Variants in FSTL4 observed in about 807,000 individuals in gnomAD.
FSTL4 encodes the protein follistatin like 4, also known as follistatin-related protein 4.
FSTL4 carries 28 observed loss-of-function variants against 78.2 expected under a neutral mutation model. The observed-to-expected ratio is 0.36, with a 90% CI of 0.27 to 0.49. FSTL4 has a LOEUF of 0.49. Among genes scored for constraint, FSTL4 ranks in the 20% least tolerant of loss-of-function variants. FSTL4 has a pLI of 0.98. For missense variants in FSTL4, 922 were observed against 1,084.9 expected (o/e 0.85, Z 2.11); for synonymous variants, 422 against 440.5 (o/e 0.96, Z 0.53).
At chr5:133,598,178 T>C (rs1343739021) in intron 2 of FSTL4, among the ~76,000 whole-genome samples, 1 of 151,944 alleles carries the variant, frequency 6.6e-6, no homozygotes, top group Non-Finnish European at 1.5e-5. Flanking sequence ...CAGCAAGAAC[T>C]AAAAAAAGGC....
intron 3 of FSTL4, among the ~76,000 whole-genome samples, chr5:133,540,951 C>T (rs1050569729): frequency 6.6e-6 from 1 of 152,054 alleles, no homozygotes; most frequent in Non-Finnish European, 1.5e-5. Flanking sequence ...CTTTAAGTGC[C>T]CACTGAGAGC....
the FSTL4 span, among the ~76,000 whole-genome samples, chr5:133,633,078 T>TTA: frequency 0.25 from 38,153 of 152,082 alleles, 5,104 homozygotes; most frequent in Admixed American, 0.39. Flanking sequence ...CTTTCAATAT[T>TTA]TTTTTATTTG....
intron 3 of FSTL4, among the ~76,000 whole-genome samples, chr5:133,546,441 G>A (rs1023039386): frequency 1.3e-5 from 2 of 148,860 alleles, no homozygotes; most frequent in Non-Finnish European, 3.0e-5. Context: ...AGGAGACGGA[G>A]GTTGCAGTGA....
At chr5:133,781,984 TG>T in the FSTL4 span, among the ~76,000 whole-genome samples, 1 of 152,244 alleles carries the variant, frequency 6.6e-6, no homozygotes. Flanking sequence ...AAGGCTCAGC[TG>T]GGTTTATTCC....
chr5:133,461,950 T>C (rs572085963), intron 3 of FSTL4, among the ~76,000 whole-genome samples: 19 of 152,288 alleles, frequency 1.2e-4, no homozygotes, highest in African/African-American at 3.1e-4. Flanking sequence ...TCTAGGCCTA[T>C]GCAGGTTTAG....
At chr5:133,801,204 C>T in the FSTL4 span, among the ~76,000 whole-genome samples, 4 of 152,178 alleles carry the variant, frequency 2.6e-5, no homozygotes, top group African/African-American at 9.7e-5. Flanking sequence ...CGACTTTGCT[C>T]ACTGTCTCTG....
chr5:133,721,117 C>T, the FSTL4 span, among the ~76,000 whole-genome samples: 11 of 152,160 alleles, frequency 7.2e-5, no homozygotes, highest in African/African-American at 1.7e-4. Flanking sequence ...GTTAGCCACT[C>T]ACATATTTAT....
chr5:133,262,988 G>A (rs548456161), intron 6 of FSTL4, among the ~76,000 whole-genome samples: 6 of 152,188 alleles, frequency 3.9e-5, no homozygotes, highest in Admixed American at 2.6e-4. Context: ...GCTCTGGACC[G>A]AGCATGGCTC....
chr5:133,807,197 A>G, the FSTL4 span, among the ~76,000 whole-genome samples: 1 of 152,152 alleles, frequency 6.6e-6, no homozygotes, highest in Non-Finnish European at 1.5e-5. Flanking sequence ...CTGTTCCTCA[A>G]TCTCCCAGCC....
intron 3 of FSTL4, among the ~76,000 whole-genome samples, chr5:133,429,668 GGT>G (rs1208980839): frequency 1.6e-4 from 24 of 152,014 alleles, no homozygotes; most frequent in African/African-American, 5.6e-4. Context: ...CTGTACTATG[GGT>G]TTCTGGACTC....
At chr5:133,616,511 T>G (rs138043586), upstream of FSTL4, among the ~76,000 whole-genome samples, 2,036 of 152,102 alleles carry the variant, frequency 0.013, 50 homozygotes, top group African/African-American at 0.046. Flanking sequence ...CAGGTGATCC[T>G]CCCACCTTAG....
At chr5:133,348,638 C>T (rs1191044653) in intron 4 of FSTL4, among the ~76,000 whole-genome samples, 1 of 152,122 alleles carries the variant, frequency 6.6e-6, no homozygotes. Flanking sequence ...GAGTGGGCCA[C>T]TCTCAGCTGT....
intron 3 of FSTL4, among the ~76,000 whole-genome samples, chr5:133,508,651 C>T (rs1366181499): frequency 1.3e-5 from 2 of 152,206 alleles, no homozygotes; most frequent in South Asian, 2.1e-4. Flanking sequence ...TATGGAAGAA[C>T]GTGTGTAGGT....
intron 6 of FSTL4, among the ~76,000 whole-genome samples, chr5:133,285,104 C>A (rs1753100343): frequency 1.3e-5 from 2 of 152,244 alleles, no homozygotes; most frequent in African/African-American, 4.8e-5. Context: ...AGTCAATAGG[C>A]ACACCCTTGG....
the FSTL4 span, among the ~76,000 whole-genome samples, chr5:133,703,811 G>A: frequency 1.3e-5 from 2 of 152,202 alleles, no homozygotes. Context: ...TGAACCTCCA[G>A]AGAGGAAAGC....
At chr5:133,288,515 G>GACTTTGGT (rs1258373026) in intron 6 of FSTL4, among the ~76,000 whole-genome samples, 1 of 152,248 alleles carries the variant, frequency 6.6e-6, no homozygotes, top group African/African-American at 2.4e-5. Flanking sequence ...GTACCCACAA[G>GACTTTGGT]ACCAAACACA....
intron 6 of FSTL4, among the ~76,000 whole-genome samples, chr5:133,305,872 C>T (rs1158984714): frequency 2.6e-5 from 4 of 152,230 alleles, no homozygotes; most frequent in African/African-American, 9.6e-5. Flanking sequence ...CATGCCACTC[C>T]ACGCCAAGTG....
At chr5:133,816,031 T>A in the FSTL4 span, among the ~76,000 whole-genome samples, 2 of 152,190 alleles carry the variant, frequency 1.3e-5, no homozygotes, top group Non-Finnish European at 2.9e-5. Flanking sequence ...AGGATAGAGT[T>A]AAGCGGGCTC....
At chr5:133,830,894 C>G in the FSTL4 span, among the ~76,000 whole-genome samples, 1 of 152,172 alleles carries the variant, frequency 6.6e-6, no homozygotes, top group Non-Finnish European at 1.5e-5. Flanking sequence ...TGCTTGGCCA[C>G]TCATCAAGAA....
Sources: gnomAD v4.1 joint callset for allele counts (sites outside exome capture counted in the v4.1 genomes callset) on GRCh38, gnomAD v4.1.1 for gene constraint, MANE v1.5 for transcripts, NCBI Gene and HGNC (gene_info 2026-07-23, HGNC 2026-07-21) for gene names.